The following GALNTL6 variants were observed in gnomAD, a reference collection of about 807,000 sequenced individuals.
The protein encoded by GALNTL6 is polypeptide N-acetylgalactosaminyltransferase-like 6.
Under a neutral mutation model 73.7 loss-of-function variants are expected in GALNTL6, and 46 were observed. The observed-to-expected ratio is 0.62, with a 90% CI of 0.49 to 0.80. The LOEUF is 0.80. Among genes scored for constraint, GALNTL6 ranks in the 30% least tolerant of loss-of-function variants. The pLI, the probability that GALNTL6 is intolerant of heterozygous loss-of-function variation, is 0.00. For missense variants in GALNTL6, 604 were observed against 755.0 expected, an observed-to-expected ratio of 0.80 and a Z score of 2.34; for synonymous variants, 259 against 263.7, an observed-to-expected ratio of 0.98 and a Z score of 0.17.
intron 5 of GALNTL6, among the ~76,000 whole-genome samples, chr4:172,624,048 T>C (rs1203506540): frequency 1.3e-5 from 2 of 152,148 alleles, no homozygotes; most frequent in Non-Finnish European, 2.9e-5. Context: ...AGCCTGTACT[T>C]GACAACTATA....
chr4:172,569,414 G>A (rs1441761492), intron 5 of GALNTL6, among the ~76,000 whole-genome samples: 1 of 152,090 alleles, frequency 6.6e-6, no homozygotes, highest in Non-Finnish European at 1.5e-5. Flanking sequence ...CGTTATTTTG[G>A]GGGGACACAA....
chr4:172,605,960 A>G (rs1693132795), intron 5 of GALNTL6, among the ~76,000 whole-genome samples: 1 of 151,994 alleles, frequency 6.6e-6, no homozygotes, highest in Non-Finnish European at 1.5e-5. Context: ...CTCCCCTTGC[A>G]TAAGGTGTGA....
intron 2 of GALNTL6, among the ~76,000 whole-genome samples, chr4:171,818,575 T>C (rs1281554349): frequency 7.5e-6 from 1 of 132,500 alleles, no homozygotes; most frequent in African/African-American, 2.7e-5. Context: ...TCTACCACAT[T>C]AAAAAAAAAA....
chr4:172,125,799 C>A (rs1233303759), intron 2 of GALNTL6, among the ~76,000 whole-genome samples: 38 of 152,002 alleles, frequency 2.5e-4, no homozygotes, highest in Admixed American at 2.5e-3. Flanking sequence ...GTATAACTTT[C>A]TTCATATGTC....
rs566624221 is a variant in GALNTL6 at position 172,027,593 on chromosome 4, C to T, written c.139-202063C>T. ...TACTGAAATTAGTCCAACTAAGAACCCTCTAATGGCCTGTAGTGAAAAGAA... is the reference window on the plus strand; with the variant it reads ...TACTGAAATTAGTCCAACTAAGAACTCTCTAATGGCCTGTAGTGAAAAGAA... On this transcript the variant is annotated intron_variant, in intron 2 of 12. Coordinates refer to ENST00000506823, the MANE Select transcript of GALNTL6 (RefSeq NM_001034845.3). 2.6e-4 allele frequency among the ~76,000 whole-genome samples: 39 copies of T among 152,002 alleles called. No individual in the cohort carries two copies. The South Asian group carries it at 7.9e-3, about 31-fold the overall frequency.
chr4:172,434,081 G>T (rs1421760977), intron 5 of GALNTL6, among the ~76,000 whole-genome samples: 1 of 151,928 alleles, frequency 6.6e-6, no homozygotes, highest in African/African-American at 2.4e-5. Flanking sequence ...ATACATTATC[G>T]TTTGTAATAA....
chr4:171,889,904 C>T (rs1736714378), intron 2 of GALNTL6, among the ~76,000 whole-genome samples: 1 of 152,078 alleles, frequency 6.6e-6, no homozygotes, highest in Admixed American at 6.6e-5. Flanking sequence ...AATATTCTAC[C>T]ACACTTGGCA....
intron 2 of GALNTL6, among the ~76,000 whole-genome samples, chr4:171,890,036 A>G (rs1736718399): frequency 1.3e-5 from 2 of 152,172 alleles, no homozygotes; most frequent in African/African-American, 4.8e-5. Flanking sequence ...AATTAATTTC[A>G]AAATAATGTA....
At chr4:172,416,301 A>C (rs1202838826) in intron 5 of GALNTL6, among the ~76,000 whole-genome samples, 1 of 152,218 alleles carries the variant, frequency 6.6e-6, no homozygotes, top group Non-Finnish European at 1.5e-5. Context: ...TCAAGGAATA[A>C]CAGTCTTCAA....
At chr4:172,277,089 G>A (rs1260330834) in intron 3 of GALNTL6, among the ~76,000 whole-genome samples, 2 of 151,834 alleles carry the variant, frequency 1.3e-5, no homozygotes, top group Non-Finnish European at 2.9e-5. Flanking sequence ...TCTCTTAAAT[G>A]TTGATACTAC....
At chr4:172,534,241 T>A (rs1735266960) in intron 5 of GALNTL6, among the ~76,000 whole-genome samples, 1 of 152,166 alleles carries the variant, frequency 6.6e-6, no homozygotes, top group Admixed American at 6.5e-5. Context: ...TGTTAATGTC[T>A]CAGCACTTCA....
chr4:171,845,868 C>T (rs539086560), intron 2 of GALNTL6, among the ~76,000 whole-genome samples: 58 of 152,258 alleles, frequency 3.8e-4, no homozygotes, highest in Admixed American at 9.8e-4. Flanking sequence ...CAGAGTGTTC[C>T]ATTATGTAAT....
rs561335449 is a variant in GALNTL6 at position 173,040,502 on chromosome 4, A to G, written c.*402A>G. On this transcript the variant is annotated 3_prime_UTR_variant, in exon 13 of 13. Coordinates refer to ENST00000506823, the MANE Select transcript of GALNTL6 (RefSeq NM_001034845.3). The stretch of plus-strand genomic sequence containing the variant: ...ATGACTGCTCTGACAACCTGAGGAT[A>G]TCACAGGTTTAGAACTAGCCAAGCT... 1.7e-5 allele frequency: 3 copies of G among 174,852 alleles called. No individual in the cohort carries two copies. The East Asian group carries it at 5.1e-4, about 30-fold the overall frequency. The allele number at this position is 174,852 out of a possible 1,614,324, so 10.8% of individuals were successfully genotyped here. A position where few individuals can be genotyped will look rare whatever the true frequency, so the allele number is the denominator to read the frequency against.
intron 5 of GALNTL6, among the ~76,000 whole-genome samples, chr4:172,705,564 T>A (rs944612595): frequency 6.6e-6 from 1 of 152,024 alleles, no homozygotes. Flanking sequence ...TTTCTCTGGG[T>A]ATTTACTTTT....
chr4:172,255,097 A>G lies in GALNTL6; in HGVS notation c.247+25333A>G, dbSNP rs574807528. Among the ~76,000 whole-genome samples, 3 of 151,830 alleles carry G rather than the reference A, an allele frequency of 2.0e-5. No homozygotes were observed. The East Asian group carries it at 5.8e-4, about 29-fold the overall frequency. On this transcript the variant is annotated intron_variant, in intron 3 of 12. Transcript: ENST00000506823. ...ATTTTTTATTTTAAACAATTGTTTA[A>G]TGTCACAAGGGACTATAATATTCAT...
intron 2 of GALNTL6, among the ~76,000 whole-genome samples, chr4:171,978,502 A>G (rs1307439522): frequency 6.6e-6 from 1 of 152,156 alleles, no homozygotes; most frequent in Non-Finnish European, 1.5e-5. Flanking sequence ...TGTAAAGCAC[A>G]TCTCCACATG....
rs568127875 is a variant in GALNTL6 at position 171,926,976 on chromosome 4, A to T, written c.138+112258A>T. On this transcript the variant is annotated intron_variant, in intron 2 of 12. Transcript: ENST00000506823. ...GATCTCCTTTGTTGATGTTGTTAAA[A>T]TGGTCCTCATATTTCTTTTAGAATG... 3.3e-5 allele frequency among the ~76,000 whole-genome samples: 5 copies of T among 152,054 alleles called. No individual in the cohort carries two copies. The East Asian group carries it at 9.7e-4, about 29-fold the overall frequency.
At chr4:172,399,131 G>C (rs1743950131) in intron 5 of GALNTL6, among the ~76,000 whole-genome samples, 1 of 152,124 alleles carries the variant, frequency 6.6e-6, no homozygotes, top group Non-Finnish European at 1.5e-5. Flanking sequence ...ATGTGAAGCA[G>C]ATACTGTTTC....
chr4:172,575,668 T>C (rs1390229618), intron 5 of GALNTL6, among the ~76,000 whole-genome samples: 1 of 152,232 alleles, frequency 6.6e-6, no homozygotes, highest in East Asian at 1.9e-4. Context: ...ATTTTGTCTG[T>C]AGCACTGACA....
Sources: allele counts gnomAD v4.1 joint callset (sites outside exome capture counted in the v4.1 genomes callset), GRCh38; gene constraint gnomAD v4.1.1; transcripts MANE v1.5; gene names NCBI Gene and HGNC (gene_info 2026-07-23, HGNC 2026-07-21).